Variants in KCNS2 observed in about 807,000 individuals in gnomAD.
The protein encoded by KCNS2 is delayed-rectifier potassium channel regulatory subunit KCNS2.
KCNS2 carries 15 observed loss-of-function variants against 28.3 expected under a neutral mutation model. The observed-to-expected ratio is 0.53, with a 90% confidence interval of 0.35 to 0.82. KCNS2 has a LOEUF of 0.82. KCNS2 is among the 40% of genes least tolerant of loss of function. The pLI, the probability that KCNS2 is intolerant of heterozygous loss-of-function variation, is 0.01. For missense variants in KCNS2, 501 were observed against 617.1 expected (o/e 0.81, Z 1.99); for synonymous variants, 254 against 256.7 (o/e 0.99, Z 0.10).
In KCNS2 at chr8:98,428,820, G is replaced by A; in HGVS notation, c.841G>A (p.Val281Met). The change falls in exon 2 of 2, where the codon GTG (valine) becomes ATG (methionine). Residue 281 changes from valine to methionine, a missense_variant. Val to Met is a conservative substitution (Grantham distance 21). Transcript: ENST00000287042. This position sits in a 1 kb window ranked among gnomAD's most constrained non-coding sequence, Gnocchi z 6.7. ...FYITLVVNLV[V>M]ESTPTLANLG... The stretch of plus-strand genomic sequence containing the variant: ...CATCACTCTGGTGGTGAACCTGGTG[G>A]TGGAGAGCACACCTACTTTAGCCAA... 3 of 1,614,186 alleles carry A rather than the reference G, an allele frequency of 1.9e-6. No homozygotes were observed. Among genetic ancestry groups the A allele is most frequent in the Non-Finnish European group, 2.5e-6 (3 of 1,180,032 alleles).
chr8:98,427,798 C>T (rs936044863), intron 1 of KCNS2, 140 bp from the exon 2 acceptor site: 2 of 583,566 alleles, frequency 3.4e-6, no homozygotes, highest in Non-Finnish European at 6.1e-6. Context: ...GGGGATCAGA[C>T]CCCTCAAACT....
intron 1 of KCNS2, 134 bp from the exon 2 acceptor site, chr8:98,427,804 A>G: frequency 1.7e-6 from 1 of 590,810 alleles, no homozygotes; most frequent in South Asian, 2.1e-5. Context: ...CAGACCCCTC[A>G]AACTCTTGCC....
Position 98,429,667 on chromosome 8 carries a change from C to T in KCNS2, c.*254C>T, listed in dbSNP as rs1052797289. On this transcript the variant is annotated 3_prime_UTR_variant, in exon 2 of 2. Coordinates refer to ENST00000287042, the MANE Select transcript of KCNS2 (RefSeq NM_020697.4). ...CTTTGCATCGTGGGCATAAAATGTT[C>T]ACCTTTTTGCCAGATGAGTACACCC... 1 of 485,698 alleles carries T rather than the reference C, an allele frequency of 2.1e-6. No individual in the cohort carries two copies. The highest frequency in any genetic ancestry group is 3.7e-6 in the Non-Finnish European group (1 of 268,262). The allele number at this position is 485,698 out of a possible 1,614,324, so 30.1% of individuals were successfully genotyped here.
Position 98,427,928 on chromosome 8 carries a change from C to T in KCNS2, c.-42-10C>T, listed in dbSNP as rs999243421. 6.3e-6 allele frequency: 9 copies of T among 1,420,348 alleles called. No individual in the cohort carries two copies. In the African/African-American group the frequency reaches 1.2e-4, roughly 18 times the overall value. The allele number at this position is 1,420,348 out of a possible 1,614,324, so 88.0% of individuals were successfully genotyped here. On this transcript the variant is annotated splice_polypyrimidine_tract_variant and intron_variant, in intron 1 of 1. Coordinates refer to ENST00000287042, the MANE Select transcript of KCNS2 (RefSeq NM_020697.4). ...GGCGCTCTCGCCGACGCTGTTCCCT[C>T]CGCTTCCAGGTGTAGCGCCCCCGCG...
chr8:98,427,753 A>C, intron 1 of KCNS2, 185 bp from the exon 2 acceptor site: 7 of 475,698 alleles, frequency 1.5e-5, no homozygotes, highest in African/African-American at 2.0e-5. Context: ...GAGCTGTGCT[A>C]ATAGAAACAT....
Position 98,429,171 on chromosome 8 carries a change from G to A in KCNS2, c.1192G>A (p.Gly398Ser). The change falls in exon 2 of 2, where the codon GGC becomes AGC. Residue 398 changes from glycine to serine, a missense_variant. By Grantham distance (56) the Gly-to-Ser change is moderately conservative (BLOSUM62 0). Transcript: ENST00000287042. ...GACTGCCTCTGCCTGCATCTTGGCA[G>A]GCATCCTCGTGGTGGTCCTGCCCAT... is the stretch of plus-strand genomic sequence containing the variant. ...KLTASACILA[G>S]ILVVVLPITL... The A allele has an allele frequency of 6.2e-7, 1 of 1,613,728 alleles. No homozygotes were observed. Among genetic ancestry groups the A allele is most frequent in the Non-Finnish European group, 8.5e-7 (1 of 1,179,740 alleles).
Position 98,428,379 on chromosome 8 carries a change from A to C in KCNS2, c.400A>C (p.Lys134Gln). The C allele has an allele frequency of 6.2e-7, 1 of 1,614,044 alleles. No individual in the cohort carries two copies. The highest frequency in any genetic ancestry group is 2.2e-5 in the East Asian group (1 of 44,874). The change falls in exon 2 of 2, where the codon AAG (lysine) becomes CAG (glutamine). Residue 134 changes from lysine (K) to glutamine (Q), a missense_variant. Lys to Gln is a moderately conservative substitution (Grantham distance 53). Transcript: ENST00000287042. The surrounding 1 kb of genome is among the most constrained non-coding windows in gnomAD (Gnocchi z 6.7). ...CCGCAAAGTAGAGCCCGAGCAGGAGAAGTGGGACGAGCAGAGTGACCAGGA... is the reference window on the plus strand; with the variant it reads ...CCGCAAAGTAGAGCCCGAGCAGGAGCAGTGGGACGAGCAGAGTGACCAGGA... ...HGRKVEPEQE[K>Q]WDEQSDQEST...
Position 98,429,096 on chromosome 8 carries a change from AC to A in KCNS2, c.1119del (p.Thr374GlnfsTer16). 6.2e-7 allele frequency: 1 copy of A among 1,613,292 alleles called. No individual in the cohort carries two copies. The highest frequency in any genetic ancestry group is 8.5e-7 in the Non-Finnish European group (1 of 1,179,436). On this transcript the variant is annotated frameshift_variant, in exon 2 of 2. Transcript: ENST00000287042. LOFTEE classifies it high-confidence loss of function. ...CTGGTGGTGGGCTACCGTCAGTATG[AC>A]CACAGTGGGGTACGGGGATGTGGTC... ...ACWWWATVSM[T>X]TVGYGDVVPG...
At position 98,428,138 on chromosome 8, in the gene KCNS2, G is replaced by A; in HGVS notation, c.159G>A (p.Glu53=). 6.2e-7 allele frequency: 1 copy of A among 1,614,036 alleles called. No individual in the cohort carries two copies. The highest frequency in any genetic ancestry group is 1.1e-5 in the South Asian group (1 of 91,078). The change falls in exon 2 of 2, where the codon GAG becomes GAA. Residue 53 remains glutamate (E), a synonymous_variant. Transcript: ENST00000287042. The surrounding 1 kb of genome is among the most constrained non-coding windows in gnomAD (Gnocchi z 6.7). The part of the protein sequence containing the change: ...LGRLLLCHSR[E]AILELCDDYD... ...GCTTGCTGCTCTGCCACTCGCGCGA[G>A]GCCATTCTGGAGCTCTGCGATGACT...
Position 98,428,215 on chromosome 8 carries a change from C to T in KCNS2, c.236C>T (p.Pro79Leu), listed in dbSNP as rs1415930880. 2 of 1,614,146 alleles carry T rather than the reference C, an allele frequency of 1.2e-6. No homozygotes were observed. The highest frequency in any genetic ancestry group is 1.1e-5 in the South Asian group (1 of 91,080). The change falls in exon 2 of 2, where the codon CCC becomes CTC. Residue 79 changes from proline (P) to leucine (L), a missense_variant. Transcript: ENST00000287042. The surrounding 1 kb of genome is among the most constrained non-coding windows in gnomAD (Gnocchi z 6.7). ...TTCGACCGCAACCCTGAGCTCTTCC[C>T]CTACGTGCTGCATTTCTATCACACC... is the stretch of plus-strand genomic sequence containing the variant. Reference protein sequence around the residue: ...FYFDRNPELFPYVLHFYHTGK... With the variant: ...FYFDRNPELFLYVLHFYHTGK...
rs1185090151 is a variant in KCNS2, at chr8:98,428,718, G to T, written c.739G>T (p.Ala247Ser). Residue 247 changes from alanine to serine, a missense_variant, in exon 2 of 2, where the codon GCT (alanine) becomes TCT (serine). Physicochemically the swap from Ala to Ser is moderately conservative, Grantham distance 99. Transcript: ENST00000287042. This position sits in a 1 kb window ranked among gnomAD's most constrained non-coding sequence, Gnocchi z 6.7. Reference protein sequence around the residue: ...WFTFELVARFAVAPDFLKFFK... With the variant: ...WFTFELVARFSVAPDFLKFFK... ...CACATTTGAGCTGGTGGCCAGGTTT[G>T]CTGTGGCCCCTGACTTCCTCAAGTT... 4 of 1,614,246 alleles carry T rather than the reference G, an allele frequency of 2.5e-6. No individual in the cohort carries two copies. The Admixed American group carries it at 5.0e-5, about 20-fold the overall frequency.
rs1293029451 is a variant in KCNS2 at position 98,428,660 on chromosome 8, C to T, written c.681C>T (p.Phe227=). The change falls in exon 2 of 2, where the codon TTC becomes TTT. Residue 227 remains phenylalanine, a synonymous_variant. Transcript: ENST00000287042. This position sits in a 1 kb window ranked among gnomAD's most constrained non-coding sequence, Gnocchi z 6.7. ...GCAACCCTGGCGAGGACCCTAGGTT[C>T]GAAATCGTGGAGCACTTTGGCATTG... The part of the protein sequence containing the change: ...SQGNPGEDPR[F]EIVEHFGIAW... 6.2e-7 allele frequency: 1 copy of T among 1,614,212 alleles called. No homozygotes were observed. Among genetic ancestry groups the T allele is most frequent in the South Asian group, 1.1e-5 (1 of 91,080 alleles).
At position 98,430,440 on chromosome 8, in the gene KCNS2, C is replaced by T. The variant is rs1251117363; in HGVS notation, c.*1027C>T. The T allele has an allele frequency of 1.2e-5, 2 of 167,060 alleles. No individual in the cohort carries two copies. Among genetic ancestry groups the T allele is most frequent in the East Asian group, 3.8e-4 (2 of 5,208 alleles). 10.3% of individuals were successfully genotyped at this position (167,060 alleles called of 1,614,324 possible). A position where few individuals can be genotyped will look rare whatever the true frequency, so the allele number is the denominator to read the frequency against. The stretch of plus-strand genomic sequence containing the variant: ...TGTTGTATCGTCTCCCTGAGGTGAA[C>T]GTTGTTGGGTTGCTAGCAAGGGCAG... On this transcript the variant is annotated 3_prime_UTR_variant, in exon 2 of 2. Coordinates refer to ENST00000287042, the MANE Select transcript of KCNS2 (RefSeq NM_020697.4).
Position 98,432,559 on chromosome 8 carries a change from T to A in KCNS2, c.*3146T>A, listed in dbSNP as rs1011393446. 1 of 167,108 alleles carries A rather than the reference T, an allele frequency of 6.0e-6. No homozygotes were observed. Among genetic ancestry groups the A allele is most frequent in the African/African-American group, 2.4e-5 (1 of 41,462 alleles). 10.4% of individuals were successfully genotyped at this position (167,108 alleles called of 1,614,324 possible). A position where few individuals can be genotyped will look rare whatever the true frequency, so the allele number is the denominator to read the frequency against. On this transcript the variant is annotated 3_prime_UTR_variant, in exon 2 of 2. Coordinates refer to ENST00000287042, the MANE Select transcript of KCNS2 (RefSeq NM_020697.4). ...TAGCTCGTAAGGTAGTAATTGGTATTTAACATTTGCATTTGTTATTTCTAC... is the reference window on the plus strand; with the variant it reads ...TAGCTCGTAAGGTAGTAATTGGTATATAACATTTGCATTTGTTATTTCTAC...
At position 98,431,587 on chromosome 8, in the gene KCNS2, T is replaced by C. The variant is rs16896992; in HGVS notation, c.*2174T>C. 0.12 allele frequency: 19,393 copies of C among 167,092 alleles called. 1,296 individuals are homozygous for C. The highest frequency in any genetic ancestry group is 0.16 in the Non-Finnish European group (10,715 of 68,094). 10.4% of individuals were successfully genotyped at this position (167,092 alleles called of 1,614,324 possible). A position where few individuals can be genotyped will look rare whatever the true frequency, so the allele number is the denominator to read the frequency against. ...GCTGATGGTATTGGGTCACTGAGCC[T>C]GGTATCCATGGCCGCTGACCAGGAA... On this transcript the variant is annotated 3_prime_UTR_variant, in exon 2 of 2. Coordinates refer to ENST00000287042, the MANE Select transcript of KCNS2 (RefSeq NM_020697.4).
In KCNS2 at chr8:98,429,764, C is replaced by A. The variant is rs111485107; in HGVS notation, c.*351C>A. ...TGGCCCAGTACTGTCTATGAGTTGT[C>A]GTGCTCCTGTTTCTGAGGTTGTCGT... On this transcript the variant is annotated 3_prime_UTR_variant, in exon 2 of 2. Transcript: ENST00000287042. 4 of 209,936 alleles carry A rather than the reference C, an allele frequency of 1.9e-5. No homozygotes were observed. Among genetic ancestry groups the A allele is most frequent in the Non-Finnish European group, 4.2e-5 (4 of 95,674 alleles). The allele number at this position is 209,936 out of a possible 1,614,324, so 13.0% of individuals were successfully genotyped here. A position where few individuals can be genotyped will look rare whatever the true frequency, so the allele number is the denominator to read the frequency against.
rs1190671679 is a variant in KCNS2, at chr8:98,428,746, T to A, written c.767T>A (p.Phe256Tyr). Residue 256 changes from phenylalanine to tyrosine, a missense_variant, in exon 2 of 2, where the codon TTC becomes TAC. Physicochemically the swap from Phe to Tyr is conservative, Grantham distance 22 (BLOSUM62 3). Coordinates refer to ENST00000287042, the MANE Select transcript of KCNS2 (RefSeq NM_020697.4). The surrounding 1 kb of genome is among the most constrained non-coding windows in gnomAD (Gnocchi z 6.7). Reference protein sequence around the residue: ...FAVAPDFLKFFKNALNLIDLM... With the variant: ...FAVAPDFLKFYKNALNLIDLM... ...GTGGCCCCTGACTTCCTCAAGTTCT[T>A]CAAGAATGCCCTAAACCTTATTGAC... 3 of 1,614,224 alleles carry A rather than the reference T, an allele frequency of 1.9e-6. No individual in the cohort carries two copies. In the African/African-American group the frequency reaches 4.0e-5, roughly 22 times the overall value.
chr8:98,429,570 A>T lies in KCNS2; in HGVS notation c.*157A>T. ...CACCCAGGTTTCTTTTACAGTTTTT[A>T]GAATCGTTTTTAGAGGGTGGTGTGT... On this transcript the variant is annotated 3_prime_UTR_variant, in exon 2 of 2. Transcript: ENST00000287042. 1.7e-6 allele frequency: 1 copy of T among 599,976 alleles called. No individual in the cohort carries two copies. The highest frequency in any genetic ancestry group is 2.5e-5 in the South Asian group (1 of 39,754). The allele number at this position is 599,976 out of a possible 1,614,324, so 37.2% of individuals were successfully genotyped here.
At position 98,429,885 on chromosome 8, in the gene KCNS2, A is replaced by G. The variant is rs535144081; in HGVS notation, c.*472A>G. ...ATGAGATTTTGCTCACAGTCATGTG[A>G]AAACAAAATCTCAGCTCTTTATCCA... On this transcript the variant is annotated 3_prime_UTR_variant, in exon 2 of 2. Coordinates refer to ENST00000287042, the MANE Select transcript of KCNS2 (RefSeq NM_020697.4). The G allele has an allele frequency of 5.9e-6, 1 of 169,058 alleles. No homozygotes were observed. The highest frequency in any genetic ancestry group is 2.1e-4 in the South Asian group (1 of 4,854). 10.5% of individuals were successfully genotyped at this position (169,058 alleles called of 1,614,324 possible). A position where few individuals can be genotyped will look rare whatever the true frequency, so the allele number is the denominator to read the frequency against.
Sources: allele counts gnomAD v4.1 joint callset, GRCh38; gene constraint gnomAD v4.1.1; non-coding constraint Gnocchi (gnomAD v3.1); transcripts MANE v1.5; gene names NCBI Gene and HGNC (gene_info 2026-07-23, HGNC 2026-07-21).